GALNT17: variants seen among roughly 807,000 people sequenced by gnomAD.
GALNT17 encodes polypeptide N-acetylgalactosaminyltransferase 17, also known as UDP-GalNAc:polypeptide N-acetylgalactosaminyltransferase-like 3.
Under a neutral mutation model 63.7 loss-of-function variants are expected in GALNT17, and 29 were observed. The observed-to-expected ratio is 0.46, with a 90% confidence interval of 0.34 to 0.62. The LOEUF is 0.62. GALNT17 is among the 20% of genes least tolerant of loss of function. The pLI is 0.01. For missense variants in GALNT17, 603 were observed against 799.6 expected, an observed-to-expected ratio of 0.75 and a Z score of 2.97; for synonymous variants, 305 against 318.3, an observed-to-expected ratio of 0.96 and a Z score of 0.45.
intron 6 of GALNT17, among the ~76,000 whole-genome samples, chr7:71,591,477 T>C (rs1442025714): frequency 6.6e-6 from 1 of 152,226 alleles, no homozygotes; most frequent in African/African-American, 2.4e-5. Context: ...GACTGTGATG[T>C]GCTCAGCCTT....
At chr7:71,592,561 T>TAAAATA (rs1320144082) in intron 6 of GALNT17, among the ~76,000 whole-genome samples, 3 of 38,850 alleles carry the variant, frequency 7.7e-5, no homozygotes, top group Non-Finnish European at 2.0e-4. Flanking sequence ...TAGCATAGCA[T>TAAAATA]ACTAAAATAA....
rs112759984 is a variant in GALNT17 at position 71,421,145 on chromosome 7, A to C, written c.962+40A>C. ...AGCCCTGGCGGCCAACGAGCCCCCA[A>C]ATTCAAGGGTAAAAAGGAGCTACTG... On this transcript the variant is annotated intron_variant, in intron 5 of 10. Coordinates refer to ENST00000333538, the MANE Select transcript of GALNT17 (RefSeq NM_022479.3). The C allele has an allele frequency of 9.3e-6, 15 of 1,608,560 alleles. No individual in the cohort carries two copies. The Admixed American group carries it at 2.4e-4, about 25-fold the overall frequency.
chr7:71,228,713 A>G (rs937305980), intron 1 of GALNT17, among the ~76,000 whole-genome samples: 6 of 152,120 alleles, frequency 3.9e-5, no homozygotes, highest in Non-Finnish European at 5.9e-5. Context: ...GCATGTGTCT[A>G]TTGAACTTCC....
chr7:71,630,368 A>G (rs1361378151), intron 6 of GALNT17, among the ~76,000 whole-genome samples: 1 of 152,214 alleles, frequency 6.6e-6, no homozygotes, highest in Non-Finnish European at 1.5e-5. Flanking sequence ...TCCAGTCTGG[A>G]TGAAGGTCTC....
chr7:71,660,646 C>T (rs1186682583), intron 6 of GALNT17, among the ~76,000 whole-genome samples: 1 of 152,202 alleles, frequency 6.6e-6, no homozygotes, highest in African/African-American at 2.4e-5. Flanking sequence ...ACCCCTTTTG[C>T]TTCCAGACCT....
At chr7:71,382,600 G>C (rs1792867635) in intron 2 of GALNT17, among the ~76,000 whole-genome samples, 1 of 152,130 alleles carries the variant, frequency 6.6e-6, no homozygotes, top group Non-Finnish European at 1.5e-5. Context: ...ACCGAAACGA[G>C]GTGGTCCTCC....
chr7:71,535,216 G>T (rs890530510), intron 5 of GALNT17, among the ~76,000 whole-genome samples: 3 of 152,216 alleles, frequency 2.0e-5, no homozygotes, highest in African/African-American at 7.2e-5. Context: ...ATTGACCGTG[G>T]TTACTATTAA....
At chr7:71,176,169 A>AG (rs1209742612) in intron 1 of GALNT17, among the ~76,000 whole-genome samples, 1 of 151,774 alleles carries the variant, frequency 6.6e-6, no homozygotes, top group Non-Finnish European at 1.5e-5. Context: ...GGGGAGGAGG[A>AG]GAGAGAGAAT....
At chr7:71,216,353 A>G (rs572871582) in intron 1 of GALNT17, among the ~76,000 whole-genome samples, 6 of 152,310 alleles carry the variant, frequency 3.9e-5, no homozygotes, top group Admixed American at 3.3e-4. Flanking sequence ...CTATTAAGAA[A>G]GTAGTTTTGA....
rs763292904 is a variant in GALNT17, at chr7:71,665,403, A to G, written c.1081-8A>G. On this transcript the variant is annotated splice_region_variant and splice_polypyrimidine_tract_variant and intron_variant, in intron 6 of 10. Coordinates refer to ENST00000333538, the MANE Select transcript of GALNT17 (RefSeq NM_022479.3). ...TTTTTCAGGCTGATGAAATCTTTGT[A>G]CCCCTAGGTATGGCTCTGTGGGGGC... The G allele has an allele frequency of 1.9e-6, 3 of 1,591,152 alleles. No individual in the cohort carries two copies. Among genetic ancestry groups the G allele is most frequent in the Middle Eastern group, 2.3e-4 (1 of 4,428 alleles).
chr7:71,354,010 A>G (rs1792235275), intron 2 of GALNT17, among the ~76,000 whole-genome samples: 1 of 150,338 alleles, frequency 6.7e-6, no homozygotes, highest in African/African-American at 2.4e-5. Context: ...GAGCAGGATC[A>G]AGAGAGAGAG....
At chr7:71,375,107 T>A (rs905116826) in intron 2 of GALNT17, among the ~76,000 whole-genome samples, 19 of 152,122 alleles carry the variant, frequency 1.2e-4, no homozygotes, top group Non-Finnish European at 2.8e-4. Flanking sequence ...CCCAAAGTGC[T>A]GGGATTACAG....
intron 1 of GALNT17, among the ~76,000 whole-genome samples, chr7:71,274,240 C>T (rs968347678): frequency 2.6e-5 from 4 of 152,192 alleles, no homozygotes; most frequent in African/African-American, 7.2e-5. Flanking sequence ...GGCTTCAGCA[C>T]ACCACTCATT....
At chr7:71,537,295 A>G (rs1051329313) in intron 5 of GALNT17, among the ~76,000 whole-genome samples, 1 of 152,138 alleles carries the variant, frequency 6.6e-6, no homozygotes, top group South Asian at 2.1e-4. Context: ...CATGCCTGGT[A>G]TAATATGGTA....
At chr7:71,242,240 A>ATTTTT (rs763751556) in intron 1 of GALNT17, among the ~76,000 whole-genome samples, 2 of 122,688 alleles carry the variant, frequency 1.6e-5, no homozygotes, top group Non-Finnish European at 1.7e-5. Context: ...TAGGGATCAC[A>ATTTTT]TTTCTTTTTT....
chr7:71,293,316 C>T (rs1028954734), intron 1 of GALNT17, among the ~76,000 whole-genome samples: 1 of 152,094 alleles, frequency 6.6e-6, no homozygotes, highest in African/African-American at 2.4e-5. Flanking sequence ...TTTACAGTTC[C>T]CCCTGCAGTG....
chr7:71,262,624 C>G (rs528032403), intron 1 of GALNT17, among the ~76,000 whole-genome samples: 2 of 149,724 alleles, frequency 1.3e-5, no homozygotes, highest in East Asian at 2.0e-4. Context: ...AAAATGAGGT[C>G]TTTAGAGTGG....
At chr7:71,151,633 GAA>G (rs565056347) in intron 1 of GALNT17, among the ~76,000 whole-genome samples, 1 of 121,632 alleles carries the variant, frequency 8.2e-6, no homozygotes. Context: ...AAAAAGAAAA[GAA>G]AAAAAAAAAA....
At chr7:71,137,287 C>A (rs991905813) in intron 1 of GALNT17, among the ~76,000 whole-genome samples, 5 of 152,006 alleles carry the variant, frequency 3.3e-5, no homozygotes, top group Admixed American at 2.6e-4. Context: ...CTACAGGCGT[C>A]CGCCACCACG....
Sources: allele counts gnomAD v4.1 joint callset (sites outside exome capture counted in the v4.1 genomes callset), GRCh38; gene constraint gnomAD v4.1.1; transcripts MANE v1.5; gene names NCBI Gene and HGNC (gene_info 2026-07-23, HGNC 2026-07-21).